Variants in TFCP2 observed in about 807,000 individuals in gnomAD.
TFCP2 encodes the protein transcription factor CP2, also known as alpha-globin transcription factor CP2.
Under a neutral mutation model 73.4 loss-of-function variants are expected in TFCP2, and 33 were observed. The ratio of observed to expected loss-of-function variants is 0.45; its 90% CI spans 0.34 to 0.60. The LOEUF (loss-of-function observed/expected upper bound fraction) is 0.60. Ranked by LOEUF, TFCP2 falls within the 20% of genes least tolerant of loss-of-function variation. TFCP2 has a pLI of 0.01. For missense variants in TFCP2, 352 were observed against 604.0 expected (o/e 0.58, Z 4.37); for synonymous variants, 193 against 211.6 (o/e 0.91, Z 0.76).
chr12:51,118,412 G>A (rs373233457), intron 2 of TFCP2, among the ~76,000 whole-genome samples: 46 of 152,198 alleles, frequency 3.0e-4, no homozygotes, highest in African/African-American at 9.9e-4. Context: ...AAAATTAGCC[G>A]GGTGTGGTGG....
At chr12:51,097,484 G>C (rs1939992661) in intron 13 of TFCP2, among the ~76,000 whole-genome samples, 1 of 151,944 alleles carries the variant, frequency 6.6e-6, no homozygotes, top group Non-Finnish European at 1.5e-5. Flanking sequence ...CTGACCTTGT[G>C]ATCCACCCGT....
At chr12:51,095,369 G>T (rs987101599) in intron 14 of TFCP2, 91 bp from the exon 15 acceptor site, 2 of 1,359,476 alleles carry the variant, frequency 1.5e-6, no homozygotes, top group Non-Finnish European at 2.1e-6. Flanking sequence ...TCGTGAGAAG[G>T]GGAGAAAAGG....
chr12:51,118,086 C>T lies in TFCP2; in HGVS notation c.275-339G>A, dbSNP rs905251605. ...CTCAGACAGTAACCAATGGGAGTGT[C>T]TAGGGAATATGATTAGGAAGAGGAA... On this transcript the variant is annotated intron_variant, in intron 2 of 14. Transcript: ENST00000257915. Among the ~76,000 whole-genome samples, 3 of 152,058 alleles carry T rather than the reference C, an allele frequency of 2.0e-5. No individual in the cohort carries two copies. The South Asian group carries it at 6.2e-4, about 32-fold the overall frequency.
At chr12:51,116,253 G>T in intron 4 of TFCP2, 62 bp downstream of exon 4, 2 of 864,562 alleles carry the variant, frequency 2.3e-6, no homozygotes, top group Non-Finnish European at 3.6e-6. Context: ...GTCAAATAAA[G>T]AAAACCAACT....
At chr12:51,131,500 G>GA (rs899180330) in intron 1 of TFCP2, among the ~76,000 whole-genome samples, 2 of 152,016 alleles carry the variant, frequency 1.3e-5, no homozygotes, top group Non-Finnish European at 2.9e-5. Context: ...TTGAAGTTAA[G>GA]ATATAAAAGG....
chr12:51,110,781 A>T, intron 5 of TFCP2, 96 bp downstream of exon 5: 2 of 946,134 alleles, frequency 2.1e-6, no homozygotes, highest in Non-Finnish European at 3.4e-6. Flanking sequence ...AGAACCCTGT[A>T]AAGATTTCAA....
In TFCP2 at chr12:51,098,787, T is replaced by C. The variant is rs145072429; in HGVS notation, c.1408A>G (p.Ile470Val). The change falls in exon 13 of 15, where the codon ATC (isoleucine) becomes GTC (valine). Residue 470 changes from isoleucine to valine, a missense_variant. This residue lies in a region of TFCP2 where 194 missense variants were observed against 256.3 expected (regional missense o/e 0.76). Coordinates refer to ENST00000257915, the MANE Select transcript of TFCP2 (RefSeq NM_005653.5). ...ACTGAAAAATCTACCTCATCACTGA[T>C]GAGCACATGAATTCCTGTTGGCCCC... ...KQGPTGIHVL[I>V]SDEMIQNFQE... 7 of 1,614,162 alleles carry C rather than the reference T, an allele frequency of 4.3e-6. No homozygotes were observed. In the South Asian group the frequency reaches 5.5e-5, roughly 13 times the overall value.
At chr12:51,163,674 C>T (rs574671165) in intron 1 of TFCP2, among the ~76,000 whole-genome samples, 5 of 151,990 alleles carry the variant, frequency 3.3e-5, no homozygotes, top group African/African-American at 1.2e-4. Context: ...TTAATCCCAA[C>T]ACTTTGGGAA....
At position 51,099,798 on chromosome 12, in the gene TFCP2, C is replaced by G; in HGVS notation, c.1152-19G>C. ...CACCATCCTAAGGGGAGGAAAAAGG[C>G]TAATTAGTCTTACATTCTTTATGGT... is the stretch of plus-strand genomic sequence containing the variant. On this transcript the variant is annotated intron_variant, in intron 11 of 14. Coordinates refer to ENST00000257915, the MANE Select transcript of TFCP2 (RefSeq NM_005653.5). 1 of 1,611,762 alleles carries G rather than the reference C, an allele frequency of 6.2e-7. No individual in the cohort carries two copies. Among genetic ancestry groups the G allele is most frequent in the Non-Finnish European group, 8.5e-7 (1 of 1,178,268 alleles).
At chr12:51,143,979 A>C (rs1236113263) in intron 1 of TFCP2, among the ~76,000 whole-genome samples, 1 of 152,222 alleles carries the variant, frequency 6.6e-6, no homozygotes, top group Non-Finnish European at 1.5e-5. Context: ...AAATTCATCT[A>C]TAGGTTCAAT....
intron 8 of TFCP2, among the ~76,000 whole-genome samples, chr12:51,104,964 C>G (rs1012949067): frequency 6.6e-6 from 1 of 152,054 alleles, no homozygotes; most frequent in African/African-American, 2.4e-5. Flanking sequence ...CGCCCGCCTC[C>G]GCCTCCCAAA....
Position 51,094,958 on chromosome 12 carries a change from C to T in TFCP2, c.*283G>A. The T allele has an allele frequency of 2.2e-6, 1 of 455,736 alleles. No individual in the cohort carries two copies. The highest frequency in any genetic ancestry group is 4.0e-6 in the Non-Finnish European group (1 of 252,588). The allele number at this position is 455,736 out of a possible 1,614,324, so 28.2% of individuals were successfully genotyped here. A position where few individuals can be genotyped will look rare whatever the true frequency, so the allele number is the denominator to read the frequency against. Reference sequence around the variant, plus strand: ...ATCATCATTATGCCCTACATACACTCTAAATTATGTAGAGTTTCTACTGAT... The same window carrying T: ...ATCATCATTATGCCCTACATACACTTTAAATTATGTAGAGTTTCTACTGAT... On this transcript the variant is annotated 3_prime_UTR_variant, in exon 15 of 15. Coordinates refer to ENST00000257915, the MANE Select transcript of TFCP2 (RefSeq NM_005653.5).
At chr12:51,132,088 G>C (rs932634783) in intron 1 of TFCP2, among the ~76,000 whole-genome samples, 12 of 152,160 alleles carry the variant, frequency 7.9e-5, no homozygotes, top group African/African-American at 2.4e-4. Flanking sequence ...ACAACTGCTT[G>C]TGGGGGAAAT....
intron 1 of TFCP2, chr12:51,125,123 C>T (rs1940781463): frequency 2.7e-6 from 2 of 749,236 alleles, no homozygotes; most frequent in East Asian, 5.1e-5. Flanking sequence ...TAGCAACAGG[C>T]TGGAAGATGA....
intron 8 of TFCP2, among the ~76,000 whole-genome samples, chr12:51,105,788 G>C (rs1163087159): frequency 6.6e-6 from 1 of 152,124 alleles, no homozygotes; most frequent in Non-Finnish European, 1.5e-5. Flanking sequence ...AAGTAGGTCA[G>C]ACATAGAGCC....
intron 1 of TFCP2, among the ~76,000 whole-genome samples, chr12:51,159,914 G>A (rs1452646237): frequency 5.9e-5 from 9 of 152,146 alleles, no homozygotes; most frequent in African/African-American, 2.2e-4. Context: ...AGCTGCTATT[G>A]TGCTAAGCGC....
chr12:51,107,430 T>C, intron 6 of TFCP2, 84 bp from the exon 7 acceptor site: 1 of 1,107,080 alleles, frequency 9.0e-7, no homozygotes, highest in Non-Finnish European at 1.3e-6. Flanking sequence ...AATATTCATG[T>C]ATGAAACAAA....
chr12:51,171,496 G>A (rs1941861383), intron 1 of TFCP2, among the ~76,000 whole-genome samples: 3 of 152,174 alleles, frequency 2.0e-5, no homozygotes, highest in African/African-American at 4.8e-5. Flanking sequence ...TCCTGCCTCA[G>A]CCTCCCGAGT....
intron 9 of TFCP2, 33 bp from the exon 10 acceptor site, chr12:51,103,796 A>T: frequency 6.4e-7 from 1 of 1,555,268 alleles, no homozygotes; most frequent in Non-Finnish European, 8.9e-7. Flanking sequence ...TAGATAACCA[A>T]ATAGATTTGT....
Sources: gnomAD v4.1 joint callset for allele counts (sites outside exome capture counted in the v4.1 genomes callset) on GRCh38, gnomAD v4.1.1 for gene constraint, gnomAD v4.1.1 regional missense constraint, MANE v1.5 for transcripts, NCBI Gene and HGNC (gene_info 2026-07-23, HGNC 2026-07-21) for gene names.